The following RNF157 variants were observed in gnomAD, a reference collection of about 807,000 sequenced individuals.
RNF157 encodes the protein E3 ubiquitin ligase RNF157.
A neutral mutation model predicts 88.3 loss-of-function variants in RNF157; 55 were observed. That is an observed-to-expected ratio of 0.62 (90% confidence interval 0.50 to 0.78). The LOEUF is 0.78. RNF157 is among the 30% of genes least tolerant of loss of function. RNF157 has a pLI of 0.00. For missense variants in RNF157, 788 were observed against 860.8 expected (o/e 0.92, Z 1.06); for synonymous variants, 334 against 341.2 (o/e 0.98, Z 0.23).
chr17:76,165,683 C>CT (rs35164451), intron 6 of RNF157, 138 bp from the exon 7 acceptor site: 127,722 of 631,452 alleles, frequency 0.2, 3,560 homozygotes, highest in East Asian at 0.44. Flanking sequence ...ATAACCCATA[C>CT]TTTTTTTTTT....
chr17:76,143,279 G>C lies in RNF157; in HGVS notation c.*1956C>G, dbSNP rs2068540769. On this transcript the variant is annotated 3_prime_UTR_variant, in exon 19 of 19. Transcript: ENST00000269391. ...GGAAGGACAGGGATCCTCAGGAAGG[G>C]GGTCCTGGCCACTGTGGCTACTGTT... The C allele has an allele frequency of 6.6e-6, 1 of 152,244 alleles. No homozygotes were observed. The highest frequency in any genetic ancestry group is 2.1e-4 in the South Asian group (1 of 4,828). The allele number at this position is 152,244 out of a possible 1,614,324, so 9.4% of individuals were successfully genotyped here.
intron 2 of RNF157, among the ~76,000 whole-genome samples, chr17:76,194,842 C>T (rs993653779): frequency 3.5e-4 from 53 of 152,106 alleles, no homozygotes; most frequent in African/African-American, 6.3e-4. Flanking sequence ...GGTGAAACCC[C>T]GTCTCTACTA....
At chr17:76,208,996 G>T (rs1180388173) in intron 2 of RNF157, among the ~76,000 whole-genome samples, 3 of 151,292 alleles carry the variant, frequency 2.0e-5, no homozygotes, top group African/African-American at 2.4e-5. Context: ...AAATTCATTT[G>T]CTATGTGTAA....
At chr17:76,223,809 T>TG (rs1018964378) in intron 1 of RNF157, among the ~76,000 whole-genome samples, 1 of 152,170 alleles carries the variant, frequency 6.6e-6, no homozygotes, top group Non-Finnish European at 1.5e-5. Flanking sequence ...TTTATATTTT[T>TG]GGAAACAAAA....
intron 6 of RNF157, among the ~76,000 whole-genome samples, chr17:76,165,916 G>A (rs1310180374): frequency 6.6e-6 from 1 of 152,006 alleles, no homozygotes. Flanking sequence ...GACTTCAGGT[G>A]ATCTGCCCGC....
intron 18 of RNF157, among the ~76,000 whole-genome samples, chr17:76,150,368 T>C (rs555575255): frequency 1.3e-5 from 2 of 152,124 alleles, no homozygotes; most frequent in Non-Finnish European, 2.9e-5. Flanking sequence ...TTCCTCCCAG[T>C]CCTCACTCTC....
chr17:76,156,951 C>A (rs902657362), intron 13 of RNF157, among the ~76,000 whole-genome samples: 6 of 152,072 alleles, frequency 3.9e-5, no homozygotes, highest in Non-Finnish European at 7.4e-5. Context: ...TTCACGCAGT[C>A]CTTCTTTTTT....
In RNF157 at chr17:76,157,727, G is replaced by A. The variant is rs1411608436; in HGVS notation, c.1413+666C>T. ...GCCAGACCTGAGCACCTAAGGGCAG[G>A]GACCACTTTATTTACCTTCCTGTGC... On this transcript the variant is annotated intron_variant, in intron 13 of 18. Transcript: ENST00000269391. This position sits in a 1 kb window ranked among gnomAD's most constrained non-coding sequence, Gnocchi z 5.6. Among the ~76,000 whole-genome samples the A allele has an allele frequency of 6.6e-6, 1 of 152,100 alleles. No individual in the cohort carries two copies. Among genetic ancestry groups the A allele is most frequent in the Non-Finnish European group, 1.5e-5 (1 of 68,030 alleles).
intron 2 of RNF157, among the ~76,000 whole-genome samples, chr17:76,182,810 GAT>G (rs2069216569): frequency 8.8e-6 from 1 of 114,284 alleles, no homozygotes; most frequent in African/African-American, 4.3e-5. Flanking sequence ...ATATGAGAGA[GAT>G]ATATATCCTA....
At chr17:76,186,871 C>T (rs2069299327) in intron 2 of RNF157, among the ~76,000 whole-genome samples, 1 of 151,762 alleles carries the variant, frequency 6.6e-6, no homozygotes, top group Non-Finnish European at 1.5e-5. Context: ...ACCCAGGAGG[C>T]AGAGGTTGCA....
At chr17:76,183,929 C>T (rs1027288447) in intron 2 of RNF157, among the ~76,000 whole-genome samples, 2 of 152,092 alleles carry the variant, frequency 1.3e-5, no homozygotes, top group Admixed American at 6.5e-5. Flanking sequence ...GTGGCTCACA[C>T]CTGTAATCCC....
intron 3 of RNF157, among the ~76,000 whole-genome samples, chr17:76,170,282 C>G (rs1164795309): frequency 6.6e-6 from 1 of 152,066 alleles, no homozygotes; most frequent in East Asian, 1.9e-4. Context: ...GGCTGGAGTG[C>G]AGTGCTGTGA....
intron 2 of RNF157, among the ~76,000 whole-genome samples, chr17:76,210,386 C>T (rs199728981): frequency 1.1e-3 from 159 of 151,116 alleles, no homozygotes; most frequent in East Asian, 4.5e-3. Flanking sequence ...GAGGTCAGAT[C>T]GAGACCATCC....
intron 2 of RNF157, among the ~76,000 whole-genome samples, chr17:76,192,841 CTTTTT>C (rs34816147): frequency 3.7e-5 from 5 of 134,302 alleles, no homozygotes; most frequent in African/African-American, 8.5e-5. Flanking sequence ...ACTTTCTTTC[CTTTTT>C]TTTTTTTTTT....
At chr17:76,151,583 G>T (rs2068678768) in intron 18 of RNF157, among the ~76,000 whole-genome samples, 1 of 152,230 alleles carries the variant, frequency 6.6e-6, no homozygotes, top group African/African-American at 2.4e-5. Context: ...CAGTCCGCTT[G>T]GGCAAGATGT....
chr17:76,240,091 G>A lies in RNF157; in HGVS notation c.88+62C>T. On this transcript the variant is annotated intron_variant, in intron 1 of 18. Transcript: ENST00000269391. The surrounding 1 kb of genome is among the most constrained non-coding windows in gnomAD (Gnocchi z 4.4). ...CCGCGGGGCCCCCTCAGGCCGTCCC[G>A]ACCCAGACCCCTGCCCCTGCCCCTC... 9.3e-7 allele frequency: 1 copy of A among 1,072,346 alleles called. No homozygotes were observed. The highest frequency in any genetic ancestry group is 1.2e-6 in the Non-Finnish European group (1 of 843,952). 66.4% of individuals were successfully genotyped at this position (1,072,346 alleles called of 1,614,324 possible).
In RNF157 at chr17:76,160,815, T is replaced by C. The variant is rs1438469190; in HGVS notation, c.1065+720A>G. Among the ~76,000 whole-genome samples, 1 of 152,246 alleles carries C rather than the reference T, an allele frequency of 6.6e-6. No individual in the cohort carries two copies. Among genetic ancestry groups the C allele is most frequent in the Non-Finnish European group, 1.5e-5 (1 of 68,040 alleles). On this transcript the variant is annotated intron_variant, in intron 11 of 18. Transcript: ENST00000269391. This position sits in a 1 kb window ranked among gnomAD's most constrained non-coding sequence, Gnocchi z 4.3. ...CCTTTCCAATCCAAAGTCAACTAAA[T>C]AATCATCTATAATTTATTCTAGATT...
At chr17:76,182,539 ACTC>A (rs1486338796) in intron 2 of RNF157, among the ~76,000 whole-genome samples, 4 of 146,548 alleles carry the variant, frequency 2.7e-5, no homozygotes, top group Non-Finnish European at 6.0e-5. Flanking sequence ...ATATTACACT[ACTC>A]CTACGGTTGT....
Position 76,146,264 on chromosome 17 carries a change from C to T in RNF157, c.1922-911G>A, listed in dbSNP as rs959003040. The T allele has an allele frequency of 8.4e-6, 7 of 830,810 alleles. No homozygotes were observed. The African/African-American group carries it at 1.3e-4, about 15-fold the overall frequency. The allele number at this position is 830,810 out of a possible 1,614,324, so 51.5% of individuals were successfully genotyped here. ...AGTTTACTGTGGGCCTTGGTTTTCTCACCCATCAGATGGGACATGCGTACT... is the reference window on the plus strand; with the variant it reads ...AGTTTACTGTGGGCCTTGGTTTTCTTACCCATCAGATGGGACATGCGTACT... On this transcript the variant is annotated intron_variant, in intron 18 of 18. Coordinates refer to ENST00000269391, the MANE Select transcript of RNF157 (RefSeq NM_052916.3). This position sits in a 1 kb window ranked among gnomAD's most constrained non-coding sequence, Gnocchi z 4.2.
Sources: gnomAD v4.1 joint callset for allele counts (sites outside exome capture counted in the v4.1 genomes callset) on GRCh38, gnomAD v4.1.1 for gene constraint, Gnocchi (gnomAD v3.1) non-coding constraint, MANE v1.5 for transcripts, NCBI Gene and HGNC (gene_info 2026-07-23, HGNC 2026-07-21) for gene names.